The following CLIC2 variants were observed in gnomAD, a reference collection of about 807,000 sequenced individuals.
The protein encoded by CLIC2 is chloride intracellular channel protein 2.
In CLIC2, 9 loss-of-function variants were observed where a neutral mutation model predicts 14.8. That is an observed-to-expected ratio of 0.61 (90% CI 0.37 to 1.06). The LOEUF is 1.06. Ranked by LOEUF, CLIC2 falls within the 50% of genes least tolerant of loss-of-function variation. The pLI is 0.01. For missense variants in CLIC2, 148 were observed against 181.4 expected (o/e 0.82, Z 1.06); for synonymous variants, 61 against 66.3 (o/e 0.92, Z 0.39).
chrX:155,298,741 A>T (rs1557318623), intron 3 of CLIC2, 44 bp downstream of exon 3: 1 of 1,200,019 alleles, frequency 8.3e-7, no homozygotes, highest in Admixed American at 2.2e-5. Flanking sequence ...CAAGCCAGTA[A>T]AATAGATTAT....
At chrX:155,312,542 G>A (rs1216557966) in intron 1 of CLIC2, among the ~76,000 whole-genome samples, 1 of 111,803 alleles carries the variant, frequency 8.9e-6, no homozygotes, top group Non-Finnish European at 1.9e-5. Flanking sequence ...TTCTGTGCCA[G>A]TACCATGCTG....
In CLIC2 at chrX:155,291,441, T is replaced by C. The variant is rs782239294; in HGVS notation, c.293+7344A>G. 14 of 455,349 alleles carry C rather than the reference T, an allele frequency of 3.1e-5. 1 individual carries two copies. The South Asian group carries it at 4.2e-4, about 14-fold the overall frequency. 37.5% of individuals were successfully genotyped at this position (455,349 alleles called of 1,213,427 possible). A position where few individuals can be genotyped will look rare whatever the true frequency, so the allele number is the denominator to read the frequency against. On this transcript the variant is annotated intron_variant, in intron 3 of 5. Coordinates refer to ENST00000369449, the MANE Select transcript of CLIC2 (RefSeq NM_001289.6). ...AGCCGAGTATGGGGTTTTCTAGATATGGAATCATGTCGTCTGCAAACAGGG... is the reference window on the plus strand; with the variant it reads ...AGCCGAGTATGGGGTTTTCTAGATACGGAATCATGTCGTCTGCAAACAGGG...
At chrX:155,308,408 A>G (rs903885556) in intron 1 of CLIC2, among the ~76,000 whole-genome samples, 1 of 111,349 alleles carries the variant, frequency 9.0e-6, no homozygotes, top group Non-Finnish European at 1.9e-5. Flanking sequence ...CATGCCTATG[A>G]AATCTACAAA....
At chrX:155,293,509 A>G (rs782287445) in intron 3 of CLIC2, 122 of 475,430 alleles carry the variant, frequency 2.6e-4, no homozygotes, top group Admixed American at 4.6e-4. Flanking sequence ...GAGAGAGAGA[A>G]AAAAAACAAA....
At chrX:155,318,740 C>T (rs2075103310) in intron 1 of CLIC2, among the ~76,000 whole-genome samples, 1 of 111,627 alleles carries the variant, frequency 9.0e-6, no homozygotes, top group African/African-American at 3.3e-5. Context: ...ACCAAAAAAG[C>T]CCACATAGCA....
At position 155,330,775 on chromosome X, in the gene CLIC2, A is replaced by T. The variant is rs372145619; in HGVS notation, c.57+3596T>A. On this transcript the variant is annotated intron_variant, in intron 1 of 5. Transcript: ENST00000369449. ...AAGAAGCACCTGAGAGATGATGAGG[A>T]CTAAGATCCCTGGAGGAGGGAAAGT... Among the ~76,000 whole-genome samples, 5 of 110,454 alleles carry T rather than the reference A, an allele frequency of 4.5e-5. No individual in the cohort carries two copies. In the East Asian group the frequency reaches 1.4e-3, roughly 32 times the overall value.
chrX:155,320,207 G>C (rs1025625311), intron 1 of CLIC2, among the ~76,000 whole-genome samples: 10 of 112,426 alleles, frequency 8.9e-5, no homozygotes, highest in Admixed American at 7.5e-4. Flanking sequence ...CTCAAGCTCT[G>C]CTAAGGGACA....
intron 5 of CLIC2, 47 bp downstream of exon 5, chrX:155,279,102 A>G (rs923999163): frequency 4.5e-6 from 5 of 1,106,650 alleles, no homozygotes; most frequent in Admixed American, 2.2e-5. Flanking sequence ...TGTGCTGGCA[A>G]CTGGCAAACC....
intron 1 of CLIC2, among the ~76,000 whole-genome samples, chrX:155,324,727 A>C (rs1397797139): frequency 1.8e-5 from 2 of 111,823 alleles, no homozygotes; most frequent in African/African-American, 6.5e-5. Context: ...GACTAAAACA[A>C]CAAAAGCAAT....
chrX:155,318,696 G>A (rs1354576126), intron 1 of CLIC2, among the ~76,000 whole-genome samples: 3 of 111,549 alleles, frequency 2.7e-5, no homozygotes, highest in Non-Finnish European at 3.8e-5. Flanking sequence ...CATTCTTCAC[G>A]GAACTAGAAA....
rs1213828605 is a variant in CLIC2, at chrX:155,277,735, A to G, written c.*168T>C. The G allele has an allele frequency of 4.4e-6, 2 of 458,411 alleles. 1 individual carries two copies. Among genetic ancestry groups the G allele is most frequent in the Non-Finnish European group, 7.4e-6 (2 of 269,746 alleles). The allele number at this position is 458,411 out of a possible 1,213,427, so 37.8% of individuals were successfully genotyped here. On this transcript the variant is annotated 3_prime_UTR_variant, in exon 6 of 6. Coordinates refer to ENST00000369449, the MANE Select transcript of CLIC2 (RefSeq NM_001289.6). The stretch of plus-strand genomic sequence containing the variant: ...GTAAAAGTATGAAGACCTGTAAAAT[A>G]CAGTGGACAGATTATTTATGGCTAA...
intron 1 of CLIC2, among the ~76,000 whole-genome samples, chrX:155,314,588 C>A (rs1331767189): frequency 8.9e-6 from 1 of 111,868 alleles, no homozygotes; most frequent in Non-Finnish European, 1.9e-5. Context: ...ACAGCCCCTC[C>A]CAGATCTTCC....
chrX:155,312,639 A>T (rs1434426752), intron 1 of CLIC2, among the ~76,000 whole-genome samples: 2 of 111,648 alleles, frequency 1.8e-5, no homozygotes, highest in Non-Finnish European at 3.8e-5. Context: ...GATTGCTTTG[A>T]CTATTTGGGC....
In CLIC2 at chrX:155,277,809, G is replaced by A. The variant is rs1396735250; in HGVS notation, c.*94C>T. 1.3e-6 allele frequency: 1 copy of A among 753,019 alleles called. No individual in the cohort carries two copies. 62.1% of individuals were successfully genotyped at this position (753,019 alleles called of 1,213,427 possible). ...ATAAGAGAGTTGGATAGAAGAAACA[G>A]TATTTTTCATATTCTTATTTGCAAA... On this transcript the variant is annotated 3_prime_UTR_variant, in exon 6 of 6. Coordinates refer to ENST00000369449, the MANE Select transcript of CLIC2 (RefSeq NM_001289.6).
intron 1 of CLIC2, among the ~76,000 whole-genome samples, chrX:155,315,288 T>C (rs1271004330): frequency 1.8e-5 from 2 of 111,924 alleles, no homozygotes; most frequent in Non-Finnish European, 3.8e-5. Flanking sequence ...AAAAAGATAA[T>C]TGCCTAGGCA....
At chrX:155,305,254 CGAGCCAG>C (rs2075048881) in intron 1 of CLIC2, among the ~76,000 whole-genome samples, 1 of 112,269 alleles carries the variant, frequency 8.9e-6, no homozygotes, top group Admixed American at 9.4e-5. Context: ...TGGGACCCTC[CGAGCCAG>C]GTGCGGGATA....
At chrX:155,300,871 A>G (rs1465719206) in intron 1 of CLIC2, among the ~76,000 whole-genome samples, 2 of 84,716 alleles carry the variant, frequency 2.4e-5, no homozygotes, top group African/African-American at 7.7e-5. Flanking sequence ...CAGGTTTGTC[A>G]AAGATCAGAT....
At chrX:155,299,503 TC>T (rs1557318758) in intron 1 of CLIC2, among the ~76,000 whole-genome samples, 1 of 111,498 alleles carries the variant, frequency 9.0e-6, no homozygotes, top group Non-Finnish European at 1.9e-5. Flanking sequence ...TTAAGGTTAA[TC>T]TTTAAAATGA....
chrX:155,295,041 A>G (rs1378746610), intron 3 of CLIC2, among the ~76,000 whole-genome samples: 1 of 111,744 alleles, frequency 8.9e-6, no homozygotes, highest in Non-Finnish European at 1.9e-5. Flanking sequence ...CCCTGATACA[A>G]AAACCAGACA....
Sources: allele counts gnomAD v4.1 joint callset (sites outside exome capture counted in the v4.1 genomes callset), GRCh38; gene constraint gnomAD v4.1.1; transcripts MANE v1.5; gene names NCBI Gene and HGNC (gene_info 2026-07-23, HGNC 2026-07-21).